The following DLGAP2 variants were observed in gnomAD, a reference collection of about 807,000 sequenced individuals.
The protein encoded by DLGAP2 is disks large-associated protein 2.
A neutral mutation model predicts 100.3 loss-of-function variants in DLGAP2; 26 were observed. The ratio of observed to expected loss-of-function variants is 0.26; its 90% CI spans 0.19 to 0.36. The LOEUF is 0.36. DLGAP2 is among the 10% of genes least tolerant of loss of function. The pLI is 1.00. For synonymous variants in DLGAP2, 886 were observed against 630.1 expected, an observed-to-expected ratio of 1.41 and a Z score of -6.08; for missense variants, 1,858 against 1,453.2, an observed-to-expected ratio of 1.28 and a Z score of -4.53.
intron 8 of DLGAP2, among the ~76,000 whole-genome samples, chr8:1,650,622 C>T (rs1175545882): frequency 6.6e-6 from 1 of 152,248 alleles, no homozygotes; most frequent in East Asian, 1.9e-4. Flanking sequence ...TCAAAAGATC[C>T]TCAGAATCTG....
At chr8:1,341,475 T>C (rs769053057) in intron 3 of DLGAP2, among the ~76,000 whole-genome samples, 2 of 152,210 alleles carry the variant, frequency 1.3e-5, no homozygotes, top group African/African-American at 2.4e-5. Context: ...TAGGCGTATT[T>C]AATGGAATAC....
rs1179509930 is a variant in DLGAP2 at position 1,464,541 on chromosome 8, ACCCTTCCAGGACGACT to A, written c.107-36811_107-36796del. 1.7e-3 allele frequency among the ~76,000 whole-genome samples: 235 copies of A among 137,598 alleles called. 1 individual carries two copies. Among genetic ancestry groups the A allele is most frequent in the African/African-American group, 5.9e-3 (221 of 37,430 alleles). The allele number at this position is 137,598 out of a possible 152,430, so 90.3% of individuals were successfully genotyped here. On this transcript the variant is annotated intron_variant, in intron 3 of 14. Transcript: ENST00000637795. The stretch of plus-strand genomic sequence containing the variant: ...CAGGAAAGCACCCTTCCAGGACAAT[ACCCTTCCAGGACGACT>A]CCCTTCCAGGACGGCTCTCTTCCAG...
intron 8 of DLGAP2, among the ~76,000 whole-genome samples, chr8:1,661,886 C>T (rs1206498087): frequency 6.6e-6 from 1 of 152,220 alleles, no homozygotes; most frequent in Non-Finnish European, 1.5e-5. Flanking sequence ...TCAGCTGAAA[C>T]AGAGAGCCAG....
At chr8:916,076 G>A (rs774973737) in intron 2 of DLGAP2, among the ~76,000 whole-genome samples, 12 of 151,330 alleles carry the variant, frequency 7.9e-5, no homozygotes, top group Non-Finnish European at 1.2e-4. Flanking sequence ...CAGTTCACCC[G>A]TCCGTCCATC....
At chr8:774,684 C>T (rs1228179307) in intron 1 of DLGAP2, among the ~76,000 whole-genome samples, 2 of 151,728 alleles carry the variant, frequency 1.3e-5, no homozygotes. Flanking sequence ...TTTCTGAGGG[C>T]TCTGTTCTGT....
intron 1 of DLGAP2, among the ~76,000 whole-genome samples, chr8:817,856 C>T (rs1008238532): frequency 3.3e-5 from 5 of 152,268 alleles, no homozygotes; most frequent in South Asian, 2.1e-4. Context: ...GCACCTGCTC[C>T]GGCGGAGGGG....
intron 2 of DLGAP2, among the ~76,000 whole-genome samples, chr8:1,091,427 A>G (rs1394148736): frequency 1.3e-5 from 2 of 152,220 alleles, no homozygotes; most frequent in Admixed American, 1.3e-4. Flanking sequence ...GTAAGACGCT[A>G]ACTATTAAAA....
intron 3 of DLGAP2, among the ~76,000 whole-genome samples, chr8:1,363,703 G>A (rs1327910109): frequency 6.6e-6 from 1 of 152,232 alleles, no homozygotes; most frequent in Non-Finnish European, 1.5e-5. Context: ...AGAAGCTGGA[G>A]AGAAGGAAAG....
intron 2 of DLGAP2, among the ~76,000 whole-genome samples, chr8:946,476 G>C (rs888471401): frequency 6.6e-6 from 1 of 151,860 alleles, no homozygotes; most frequent in South Asian, 2.1e-4. Flanking sequence ...TATTAGCCAG[G>C]ATGGTCTCGA....
chr8:1,456,108 G>C (rs557942841), intron 3 of DLGAP2, among the ~76,000 whole-genome samples: 1 of 152,310 alleles, frequency 6.6e-6, no homozygotes, highest in African/African-American at 2.4e-5. Context: ...ATCAAAGCTT[G>C]ACTCCCATGT....
chr8:834,214 C>G (rs1796831858), intron 1 of DLGAP2, among the ~76,000 whole-genome samples: 1 of 152,202 alleles, frequency 6.6e-6, no homozygotes, highest in African/African-American at 2.4e-5. Flanking sequence ...GCTGACGAGT[C>G]CCAGTAGAGC....
At chr8:1,500,113 C>G (rs1175392903) in intron 3 of DLGAP2, among the ~76,000 whole-genome samples, 2 of 152,158 alleles carry the variant, frequency 1.3e-5, no homozygotes, top group African/African-American at 4.8e-5. Context: ...GCATATATGC[C>G]AAAATGGTGA....
At chr8:1,503,999 A>G (rs932313395) in intron 4 of DLGAP2, among the ~76,000 whole-genome samples, 1 of 152,212 alleles carries the variant, frequency 6.6e-6, no homozygotes, top group Non-Finnish European at 1.5e-5. Context: ...ATTTGTGCAG[A>G]AGTGCACCTC....
chr8:941,843 T>C (rs1799204374), intron 2 of DLGAP2, among the ~76,000 whole-genome samples: 1 of 152,044 alleles, frequency 6.6e-6, no homozygotes, highest in Non-Finnish European at 1.5e-5. Flanking sequence ...AAATCCTCCC[T>C]TTCTTTTTTT....
intron 2 of DLGAP2, among the ~76,000 whole-genome samples, chr8:1,095,464 A>G (rs1326689255): frequency 6.6e-6 from 1 of 152,072 alleles, no homozygotes; most frequent in African/African-American, 2.4e-5. Context: ...CCTGGCGGTG[A>G]GCACAGGGGT....
At chr8:1,151,634 G>A (rs1487357781) in intron 2 of DLGAP2, among the ~76,000 whole-genome samples, 1 of 152,222 alleles carries the variant, frequency 6.6e-6, no homozygotes, top group African/African-American at 2.4e-5. Context: ...TAGGTAGAAA[G>A]GAGGAGGGCA....
At chr8:1,125,660 T>A (rs1563204694) in intron 2 of DLGAP2, among the ~76,000 whole-genome samples, 1 of 152,362 alleles carries the variant, frequency 6.6e-6, no homozygotes, top group Non-Finnish European at 1.5e-5. Context: ...AAAATACCCA[T>A]CACAAATGGA....
At chr8:1,516,053 G>T (rs1464408676) in intron 4 of DLGAP2, among the ~76,000 whole-genome samples, 1 of 151,584 alleles carries the variant, frequency 6.6e-6, no homozygotes, top group Non-Finnish European at 1.5e-5. Context: ...GAGTGAATGA[G>T]TGAGTGGGTG....
Position 1,289,001 on chromosome 8 carries a change from T to C in DLGAP2, c.106+30118T>C, listed in dbSNP as rs574365440. Among the ~76,000 whole-genome samples the C allele has an allele frequency of 3.3e-5, 5 of 152,350 alleles. No individual in the cohort carries two copies. In the South Asian group the frequency reaches 1.0e-3, roughly 32 times the overall value. On this transcript the variant is annotated intron_variant, in intron 3 of 14. Coordinates refer to ENST00000637795, the MANE Select transcript of DLGAP2 (RefSeq NM_001346810.2). ...TAGAGTTACTGAATTTAAGAAAACC[T>C]CTAAGGAAAACAAAAATCCCTTTGA... is the stretch of plus-strand genomic sequence containing the variant.
Sources: gnomAD v4.1 joint callset for allele counts (sites outside exome capture counted in the v4.1 genomes callset) on GRCh38, gnomAD v4.1.1 for gene constraint, MANE v1.5 for transcripts, NCBI Gene and HGNC (gene_info 2026-07-23, HGNC 2026-07-21) for gene names.